PDGFC: variants seen among roughly 807,000 people sequenced by gnomAD.
PDGFC encodes platelet derived growth factor C.
PDGFC carries 12 observed loss-of-function variants against 35.5 expected under a neutral mutation model. That is an observed-to-expected ratio of 0.34 (90% CI 0.22 to 0.55). The LOEUF (loss-of-function observed/expected upper bound fraction) is 0.55, where lower values mean the gene tolerates loss of function less well. PDGFC is among the 20% of genes least tolerant of loss of function. PDGFC has a pLI of 0.91. For missense variants in PDGFC, 322 were observed against 412.4 expected (o/e 0.78, Z 1.90); for synonymous variants, 159 against 148.8 (o/e 1.07, Z -0.50).
chr4:156,945,982 G>T (rs77206795), intron 1 of PDGFC, among the ~76,000 whole-genome samples: 1,993 of 152,102 alleles, frequency 0.013, 49 homozygotes, highest in African/African-American at 0.045. Flanking sequence ...TCCCATATTT[G>T]ATTTGGCAAT....
chr4:156,956,422 A>G (rs767714276), intron 1 of PDGFC, among the ~76,000 whole-genome samples: 6 of 152,102 alleles, frequency 3.9e-5, no homozygotes, highest in Non-Finnish European at 8.8e-5. Context: ...GAATTTTAAT[A>G]AGGTGATTTG....
intron 3 of PDGFC, among the ~76,000 whole-genome samples, chr4:156,786,584 A>G (rs1477305859): frequency 6.6e-6 from 1 of 152,162 alleles, no homozygotes; most frequent in Non-Finnish European, 1.5e-5. Context: ...GTTGGAGATA[A>G]TAGGACTACA....
chr4:156,923,718 A>G (rs1188699203), intron 1 of PDGFC, among the ~76,000 whole-genome samples: 1 of 152,256 alleles, frequency 6.6e-6, no homozygotes, highest in African/African-American at 2.4e-5. Flanking sequence ...ATGATGCAAC[A>G]GGTAAACTCA....
At chr4:156,862,620 C>A (rs72683349) in intron 1 of PDGFC, among the ~76,000 whole-genome samples, 7,477 of 152,046 alleles carry the variant, frequency 0.049, 204 homozygotes, top group Middle Eastern at 0.085. Flanking sequence ...CAAAAAACAC[C>A]AATGTTAATT....
chr4:156,832,448 G>A (rs1160832320), intron 2 of PDGFC, among the ~76,000 whole-genome samples: 1 of 151,806 alleles, frequency 6.6e-6, no homozygotes, highest in African/African-American at 2.4e-5. Flanking sequence ...GTAGAGACAG[G>A]GTTTCGCCAT....
At chr4:156,880,857 T>C (rs1560854838) in intron 1 of PDGFC, among the ~76,000 whole-genome samples, 1 of 151,992 alleles carries the variant, frequency 6.6e-6, no homozygotes, top group Admixed American at 6.6e-5. Context: ...TTGTGAGGAG[T>C]TGTTTTTATG....
At chr4:156,870,270 A>T (rs577798353) in intron 1 of PDGFC, among the ~76,000 whole-genome samples, 44 of 152,242 alleles carry the variant, frequency 2.9e-4, no homozygotes, top group African/African-American at 1.1e-3. Flanking sequence ...TTCTCTTATT[A>T]GCTTAATAGG....
chr4:156,969,127 G>C (rs914281268), intron 1 of PDGFC, among the ~76,000 whole-genome samples: 3 of 152,144 alleles, frequency 2.0e-5, no homozygotes, highest in African/African-American at 7.2e-5. Flanking sequence ...TATGGGACAG[G>C]AACAATAAAA....
chr4:156,846,812 T>C (rs1285544120), intron 2 of PDGFC, among the ~76,000 whole-genome samples: 4 of 151,646 alleles, frequency 2.6e-5, no homozygotes, highest in Non-Finnish European at 5.9e-5. Flanking sequence ...AAGGGGAAAA[T>C]GCCTCTTAGC....
chr4:156,909,131 A>G (rs1342220759), intron 1 of PDGFC, among the ~76,000 whole-genome samples: 1 of 152,188 alleles, frequency 6.6e-6, no homozygotes, highest in Non-Finnish European at 1.5e-5. Context: ...AACGAGTATT[A>G]CTTTTTGAGA....
chr4:156,812,041 C>T (rs891800541), intron 2 of PDGFC, among the ~76,000 whole-genome samples: 3 of 151,940 alleles, frequency 2.0e-5, no homozygotes, highest in Non-Finnish European at 2.9e-5. Context: ...CATGTATAAA[C>T]GCATATATGT....
chr4:156,810,743 A>T (rs1731909737), intron 3 of PDGFC, 94 bp downstream of exon 3: 5 of 825,154 alleles, frequency 6.1e-6, no homozygotes, highest in African/African-American at 1.8e-5. Context: ...TTGTTTTCTG[A>T]TTTTTTTTCT....
chr4:156,867,037 A>G (rs574637418), intron 1 of PDGFC, among the ~76,000 whole-genome samples: 1 of 152,298 alleles, frequency 6.6e-6, no homozygotes, highest in South Asian at 2.1e-4. Flanking sequence ...CTTTCCATAA[A>G]GAAGTGTAAC....
intron 3 of PDGFC, among the ~76,000 whole-genome samples, chr4:156,793,373 G>T (rs1731347272): frequency 6.6e-6 from 1 of 151,464 alleles, no homozygotes; most frequent in Admixed American, 6.6e-5. Context: ...ATGTACAAAT[G>T]ATACATCTTT....
intron 1 of PDGFC, among the ~76,000 whole-genome samples, chr4:156,944,185 T>C (rs1731881250): frequency 6.6e-6 from 1 of 152,098 alleles, no homozygotes; most frequent in African/African-American, 2.4e-5. Flanking sequence ...TCTTCTTAGA[T>C]TGGGATTAAT....
chr4:156,894,460 C>T (rs1034949157), intron 1 of PDGFC, among the ~76,000 whole-genome samples: 4 of 152,052 alleles, frequency 2.6e-5, no homozygotes, highest in African/African-American at 9.7e-5. Context: ...ATGAATAATC[C>T]ATTACAGCAA....
chr4:156,801,741 C>T (rs1208641047), intron 3 of PDGFC, among the ~76,000 whole-genome samples: 1 of 152,136 alleles, frequency 6.6e-6, no homozygotes, highest in African/African-American at 2.4e-5. Flanking sequence ...AATTGTGGCT[C>T]TGTTCTCTCC....
intron 3 of PDGFC, among the ~76,000 whole-genome samples, chr4:156,798,123 C>T (rs992176615): frequency 5.9e-5 from 9 of 152,034 alleles, no homozygotes; most frequent in Admixed American, 1.3e-4. Flanking sequence ...ACACGGGAGG[C>T]GAAGGTTGCA....
At chr4:156,838,221 C>A (rs1002736627) in intron 2 of PDGFC, among the ~76,000 whole-genome samples, 1 of 152,132 alleles carries the variant, frequency 6.6e-6, no homozygotes, top group Non-Finnish European at 1.5e-5. Flanking sequence ...TATTTTTGTA[C>A]CACCAGCACC....
Sources: allele counts gnomAD v4.1 joint callset (sites outside exome capture counted in the v4.1 genomes callset), GRCh38; gene constraint gnomAD v4.1.1; transcripts MANE v1.5; gene names NCBI Gene and HGNC (gene_info 2026-07-23, HGNC 2026-07-21).